DOCK6: variants seen among roughly 807,000 people sequenced by gnomAD.
DOCK6 encodes dedicator of cytokinesis 6, also known as dedicator of cytokinesis protein 6.
DOCK6 carries 167 observed loss-of-function variants against 230.3 expected under a neutral mutation model. The observed-to-expected ratio is 0.73, with a 90% confidence interval of 0.64 to 0.82. DOCK6 has a LOEUF of 0.82. Among genes scored for constraint, DOCK6 ranks in the 40% least tolerant of loss-of-function variants. The pLI, the probability that DOCK6 is intolerant of heterozygous loss-of-function variation, is 0.00. For synonymous variants in DOCK6, 1,148 were observed against 1,185.0 expected (o/e 0.97, Z 0.64); for missense variants, 2,598 against 2,825.8 (o/e 0.92, Z 1.83).
At chr19:11,221,413 A>G (rs1283059376) in intron 28 of DOCK6, 2 of 163,906 alleles carry the variant, frequency 1.2e-5, no homozygotes, top group African/African-American at 2.4e-5. Context: ...ACAAATCCCA[A>G]TTTTGTACTT....
chr19:11,211,728 C>A, intron 37 of DOCK6, 48 bp downstream of exon 37: 1 of 1,421,872 alleles, frequency 7.0e-7, no homozygotes, highest in South Asian at 1.2e-5. Context: ...TCTCCCTGCA[C>A]CTGTTGGGGC....
chr19:11,240,052 T>A, intron 14 of DOCK6: 1 of 1,548,430 alleles, frequency 6.5e-7, no homozygotes, highest in Non-Finnish European at 8.7e-7. Context: ...GATACAAGAT[T>A]TTCAGCGATA....
At position 11,236,122 on chromosome 19, in the gene DOCK6, TG is replaced by T; in HGVS notation, c.2392+223del. On this transcript the variant is annotated intron_variant, in intron 20 of 47. Coordinates refer to ENST00000294618, the MANE Select transcript of DOCK6 (RefSeq NM_020812.4). The surrounding 1 kb of genome is among the most constrained non-coding windows in gnomAD (Gnocchi z 5.2). ...CTCAAACTCTCGACCTCAGGTGATC[TG>T]CCCGCCTCGGCCTCCCAAAGTGCTG... The T allele has an allele frequency of 5.3e-6, 3 of 566,556 alleles. No individual in the cohort carries two copies. The highest frequency in any genetic ancestry group is 2.5e-5 in the South Asian group (1 of 40,364). 35.1% of individuals were successfully genotyped at this position (566,556 alleles called of 1,614,324 possible).
At chr19:11,217,572 C>T (rs994425616) in intron 28 of DOCK6, among the ~76,000 whole-genome samples, 181 bp from the exon 29 acceptor site, 8 of 151,894 alleles carry the variant, frequency 5.3e-5, no homozygotes, top group African/African-American at 9.7e-5. Flanking sequence ...GCCTGGCCAA[C>T]GTGGCAAAAT....
In DOCK6 at chr19:11,238,203, G is replaced by A. The variant is rs770573318; in HGVS notation, c.1745C>T (p.Pro582Leu). The A allele has an allele frequency of 6.8e-6, 11 of 1,613,606 alleles. No homozygotes were observed. In the African/African-American group the frequency reaches 1.5e-4, roughly 22 times the overall value. The change falls in exon 15 of 48, where the codon CCC becomes CTC. Residue 582 changes from proline (P) to leucine (L), a missense_variant. Pro to Leu is a moderately conservative substitution (Grantham distance 98). Coordinates refer to ENST00000294618, the MANE Select transcript of DOCK6 (RefSeq NM_020812.4). Reference protein sequence around the residue: ...VRVQYMTGEDPSQALPVIFGK... With the variant: ...VRVQYMTGEDLSQALPVIFGK... Reference sequence around the variant, plus strand: ...GCCACTGACCGGCAGAGCCTGGCTGGGGTCCTCGCCTGTCATGTACTGCAC... The same window carrying A: ...GCCACTGACCGGCAGAGCCTGGCTGAGGTCCTCGCCTGTCATGTACTGCAC...
intron 24 of DOCK6, among the ~76,000 whole-genome samples, chr19:11,224,966 A>T (rs1025281216): frequency 6.6e-6 from 1 of 152,108 alleles, no homozygotes; most frequent in African/African-American, 2.4e-5. Flanking sequence ...TGGGAGGCTG[A>T]GCCAGGAGAA....
chr19:11,235,453 G>A, intron 21 of DOCK6, 145 bp downstream of exon 21: 1 of 807,894 alleles, frequency 1.2e-6, no homozygotes, highest in South Asian at 2.1e-5. Context: ...GTTTCATCAT[G>A]TTGGCCAAGT....
chr19:11,256,606 T>C (rs35918208), intron 1 of DOCK6, among the ~76,000 whole-genome samples: 84,437 of 152,122 alleles, frequency 0.56, 24,992 homozygotes, highest in South Asian at 0.67. Context: ...GCTGCCACCA[T>C]GTTGTCTTCA....
chr19:11,228,280 G>A (rs2079703120), intron 23 of DOCK6, among the ~76,000 whole-genome samples: 1 of 152,056 alleles, frequency 6.6e-6, no homozygotes, highest in Admixed American at 6.6e-5. Flanking sequence ...CAAAGTGCTG[G>A]GATTACAGGC....
intron 34 of DOCK6, 140 bp downstream of exon 34, chr19:11,214,135 G>A: frequency 8.2e-7 from 1 of 1,226,826 alleles, no homozygotes; most frequent in Non-Finnish European, 1.1e-6. Context: ...ATGTTGCCCA[G>A]GTTGGTCTCA....
rs202232471 is a variant in DOCK6 at position 11,225,605 on chromosome 19, T to C, written c.2955+1732A>G. On this transcript the variant is annotated intron_variant, in intron 24 of 47. Coordinates refer to ENST00000294618, the MANE Select transcript of DOCK6 (RefSeq NM_020812.4). ...TACTCTGGAGGCTGAGGTGGGAGGATTGCTTTAGCCCAGGAGTTTGAGGCT... is the reference window on the plus strand; with the variant it reads ...TACTCTGGAGGCTGAGGTGGGAGGACTGCTTTAGCCCAGGAGTTTGAGGCT... Among the ~76,000 whole-genome samples the C allele has an allele frequency of 2.9e-4, 44 of 151,968 alleles. No individual in the cohort carries two copies. The East Asian group carries it at 7.9e-3, about 27-fold the overall frequency.
At chr19:11,217,209 G>A (rs1322169851) in intron 29 of DOCK6, 22 bp downstream of exon 29, 1 of 1,608,498 alleles carries the variant, frequency 6.2e-7, no homozygotes, top group Non-Finnish European at 8.5e-7. Flanking sequence ...TGATGTCTAT[G>A]GGGACAAGCC....
chr19:11,225,733 A>C (rs1056011999), intron 24 of DOCK6, among the ~76,000 whole-genome samples: 2 of 151,618 alleles, frequency 1.3e-5, no homozygotes, highest in Non-Finnish European at 2.9e-5. Context: ...ACCACACACA[A>C]AAAAACCCCA....
At chr19:11,249,114 G>C (rs1461489210) in intron 6 of DOCK6, among the ~76,000 whole-genome samples, 1 of 152,112 alleles carries the variant, frequency 6.6e-6, no homozygotes, top group Non-Finnish European at 1.5e-5. Flanking sequence ...AATAGATATT[G>C]GTTGATTAAA....
intron 18 of DOCK6, chr19:11,237,089 G>A: frequency 1.7e-6 from 1 of 598,894 alleles, no homozygotes; most frequent in South Asian, 2.0e-5. Context: ...GGCAGAGAAT[G>A]GAGACACAGG....
At chr19:11,209,167 A>G in intron 37 of DOCK6, 64 bp from the exon 38 acceptor site, 1 of 1,538,628 alleles carries the variant, frequency 6.5e-7, no homozygotes, top group South Asian at 1.2e-5. Context: ...CCTGCCTCCC[A>G]CTTGTCCATT....
chr19:11,239,364 G>T (rs1234670688), intron 14 of DOCK6, among the ~76,000 whole-genome samples: 2 of 152,168 alleles, frequency 1.3e-5, no homozygotes, highest in Non-Finnish European at 2.9e-5. Flanking sequence ...GGAGAAACAG[G>T]CTCAGCATGG....
At position 11,208,713 on chromosome 19, in the gene DOCK6, C is replaced by T. The variant is rs966019502; in HGVS notation, c.5061G>A (p.Leu1687=). Residue 1687 remains leucine, a synonymous_variant, in exon 39 of 48, where the codon CTG becomes CTA. Coordinates refer to ENST00000294618, the MANE Select transcript of DOCK6 (RefSeq NM_020812.4). ...HFTELGLVGL[L]EQAAGYFTMG... is the part of the protein sequence containing the mutation. Reference sequence around the variant, plus strand: ...TGGTGAAGTAGCCGGCTGCCTGTTCCAGCAACCCTACCAGCCCCAGCTCAG... The same window carrying T: ...TGGTGAAGTAGCCGGCTGCCTGTTCTAGCAACCCTACCAGCCCCAGCTCAG... The T allele has an allele frequency of 6.2e-7, 1 of 1,612,236 alleles. No homozygotes were observed. Among genetic ancestry groups the T allele is most frequent in the African/African-American group, 1.3e-5 (1 of 75,058 alleles).
intron 7 of DOCK6, among the ~76,000 whole-genome samples, chr19:11,247,103 A>G (rs1427650536): frequency 6.6e-6 from 1 of 151,982 alleles, no homozygotes; most frequent in Non-Finnish European, 1.5e-5. Context: ...GACTTCATAA[A>G]TGTTTTATTT....
Sources: gnomAD v4.1 joint callset for allele counts (sites outside exome capture counted in the v4.1 genomes callset) on GRCh38, gnomAD v4.1.1 for gene constraint, Gnocchi (gnomAD v3.1) non-coding constraint, MANE v1.5 for transcripts, NCBI Gene and HGNC (gene_info 2026-07-23, HGNC 2026-07-21) for gene names.